DIPK1A: variants seen among roughly 807,000 people sequenced by gnomAD.
DIPK1A encodes the protein divergent protein kinase domain 1A, also known as family with sequence similarity 69 member A.
DIPK1A carries 27 observed loss-of-function variants against 40.8 expected under a neutral mutation model. That is an observed-to-expected ratio of 0.66 (90% CI 0.49 to 0.91). DIPK1A has a LOEUF of 0.91. Ranked by LOEUF, DIPK1A falls within the 40% of genes least tolerant of loss-of-function variation. DIPK1A has a pLI of 0.00. For synonymous variants in DIPK1A, 166 were observed against 171.3 expected (o/e 0.97, Z 0.24); for missense variants, 412 against 505.7 (o/e 0.81, Z 1.78).
At chr1:92,922,364 T>G (rs1166810758) in intron 1 of DIPK1A, among the ~76,000 whole-genome samples, 1 of 151,364 alleles carries the variant, frequency 6.6e-6, no homozygotes, top group African/African-American at 2.4e-5. Flanking sequence ...TACTGTAATC[T>G]TATTTAATTG....
intron 1 of DIPK1A, among the ~76,000 whole-genome samples, chr1:92,909,387 C>A (rs1376197829): frequency 6.6e-6 from 1 of 152,164 alleles, no homozygotes; most frequent in Non-Finnish European, 1.5e-5. Flanking sequence ...AGAAAATACA[C>A]ACAATAAAAG....
Position 92,876,333 on chromosome 1 carries a change from G to A in DIPK1A, c.152C>T (p.Thr51Ile). The A allele has an allele frequency of 1.3e-6, 2 of 1,594,906 alleles. No individual in the cohort carries two copies. Among genetic ancestry groups the A allele is most frequent in the South Asian group, 1.1e-5 (1 of 89,300 alleles). ...WIIYVQYSTY[T>I]ELCRGKDCKK... ...ACAGTCCTTTCCTCTGCATAATTCTGTATAGGTAGAATACTGCACATATAT... is the reference window on the plus strand; with the variant it reads ...ACAGTCCTTTCCTCTGCATAATTCTATATAGGTAGAATACTGCACATATAT... The change falls in exon 2 of 5, where the codon ACA becomes ATA. Residue 51 changes from threonine to isoleucine, a missense_variant. Coordinates refer to ENST00000370310, the MANE Select transcript of DIPK1A (RefSeq NM_001006605.5).
chr1:92,907,350 A>G (rs1268575296), intron 1 of DIPK1A, among the ~76,000 whole-genome samples: 1 of 152,196 alleles, frequency 6.6e-6, no homozygotes, highest in Non-Finnish European at 1.5e-5. Context: ...GAATCAGATC[A>G]GTGGTTGCTT....
chr1:92,878,057 A>C (rs1648206380), intron 1 of DIPK1A, among the ~76,000 whole-genome samples: 1 of 152,210 alleles, frequency 6.6e-6, no homozygotes, highest in Non-Finnish European at 1.5e-5. Flanking sequence ...AATCTGATCA[A>C]GCCTTTTAGC....
chr1:92,876,892 T>C, intron 1 of DIPK1A: 1 of 671,208 alleles, frequency 1.5e-6, no homozygotes, highest in Non-Finnish European at 1.8e-6. Context: ...ATTTGTCTAA[T>C]GTCTCATACT....
chr1:92,891,815 T>C (rs188048987), intron 1 of DIPK1A, among the ~76,000 whole-genome samples: 2 of 152,318 alleles, frequency 1.3e-5, no homozygotes, highest in East Asian at 3.9e-4. Flanking sequence ...ACCCTAATAC[T>C]GCGCTTTTCC....
chr1:92,846,635 CTTT>C, intron 4 of DIPK1A: 5 of 340,232 alleles, frequency 1.5e-5, no homozygotes, highest in Admixed American at 7.5e-5. Context: ...TTTTCTTTTT[CTTT>C]TTTTTTTTGA....
At chr1:92,908,255 G>A (rs1183167914) in intron 1 of DIPK1A, among the ~76,000 whole-genome samples, 1 of 152,164 alleles carries the variant, frequency 6.6e-6, no homozygotes, top group African/African-American at 2.4e-5. Flanking sequence ...CAAGCCATGG[G>A]AGTAGTCGTC....
chr1:92,857,550 G>A (rs1200470497), intron 2 of DIPK1A, among the ~76,000 whole-genome samples: 1 of 152,118 alleles, frequency 6.6e-6, no homozygotes, highest in Non-Finnish European at 1.5e-5. Flanking sequence ...TGGAACTCCT[G>A]ACCTCAGGCG....
At chr1:92,890,042 C>T (rs561739986) in intron 1 of DIPK1A, among the ~76,000 whole-genome samples, 1 of 152,034 alleles carries the variant, frequency 6.6e-6, no homozygotes, top group South Asian at 2.1e-4. Flanking sequence ...TAAATTTATT[C>T]CTAGGTTTTA....
At chr1:92,880,905 CT>C (rs1388889873) in intron 1 of DIPK1A, among the ~76,000 whole-genome samples, 3 of 144,794 alleles carry the variant, frequency 2.1e-5, no homozygotes, top group African/African-American at 7.8e-5. Context: ...AAAAAAACTA[CT>C]TCTGGCGGGG....
chr1:92,856,320 T>A (rs1687987479), intron 2 of DIPK1A, among the ~76,000 whole-genome samples: 1 of 152,078 alleles, frequency 6.6e-6, no homozygotes, highest in African/African-American at 2.4e-5. Flanking sequence ...TGAATTAGAT[T>A]AATACATATA....
intron 2 of DIPK1A, among the ~76,000 whole-genome samples, chr1:92,867,796 G>A (rs934933411): frequency 6.6e-6 from 1 of 152,120 alleles, no homozygotes; most frequent in South Asian, 2.1e-4. Context: ...GTGAGCCACC[G>A]TGCCCGGCCG....
intron 1 of DIPK1A, among the ~76,000 whole-genome samples, chr1:92,895,801 C>T (rs1055086117): frequency 3.3e-5 from 5 of 152,086 alleles, no homozygotes; most frequent in African/African-American, 1.2e-4. Flanking sequence ...GCAACTTCAG[C>T]AAAGTCTCAG....
chr1:92,937,266 G>T (rs11578986), intron 1 of DIPK1A, among the ~76,000 whole-genome samples: 53,093 of 151,738 alleles, frequency 0.35, 9,732 homozygotes, highest in African/African-American at 0.38. Flanking sequence ...TTTGAGACCA[G>T]CCTGGCCAAC....
intron 1 of DIPK1A, among the ~76,000 whole-genome samples, chr1:92,881,928 T>G (rs971555085): frequency 6.6e-6 from 1 of 152,226 alleles, no homozygotes; most frequent in African/African-American, 2.4e-5. Flanking sequence ...TGTATATATG[T>G]GTTTAATGTA....
At chr1:92,841,675 C>CT (rs1571040487), downstream of DIPK1A, 1 of 764,548 alleles carries the variant, frequency 1.3e-6, no homozygotes, top group Non-Finnish European at 2.0e-6. Context: ...TAAATATTCT[C>CT]TATCAAAATT....
At chr1:92,931,382 G>C (rs919113343) in intron 1 of DIPK1A, 3 of 241,610 alleles carry the variant, frequency 1.2e-5, no homozygotes, top group Non-Finnish European at 2.6e-5. Context: ...GAAGAAAAGA[G>C]AGCCTGCATG....
At chr1:92,941,983 C>G (rs965789619) in intron 1 of DIPK1A, among the ~76,000 whole-genome samples, 1 of 148,838 alleles carries the variant, frequency 6.7e-6, no homozygotes, top group Non-Finnish European at 1.5e-5. Context: ...GAGGGAGACT[C>G]TGTCTCAAAA....
Sources: gnomAD v4.1 joint callset for allele counts (sites outside exome capture counted in the v4.1 genomes callset) on GRCh38, gnomAD v4.1.1 for gene constraint, MANE v1.5 for transcripts, NCBI Gene and HGNC (gene_info 2026-07-23, HGNC 2026-07-21) for gene names.